The following RALGAPA2 variants were observed in gnomAD, a reference collection of about 807,000 sequenced individuals.
The protein encoded by RALGAPA2 is ral GTPase-activating protein subunit alpha-2.
RALGAPA2 carries 139 observed loss-of-function variants against 230.4 expected under a neutral mutation model. The observed-to-expected ratio is 0.60, with a 90% CI of 0.53 to 0.69. RALGAPA2 has a LOEUF of 0.69. RALGAPA2 is among the 30% of genes least tolerant of loss of function. RALGAPA2 has a pLI of 0.00. For missense variants in RALGAPA2, 2,163 were observed against 2,276.0 expected (o/e 0.95, Z 1.01); for synonymous variants, 847 against 837.8 (o/e 1.01, Z -0.19).
At chr20:20,533,106 A>C (rs2063409051) in intron 26 of RALGAPA2, among the ~76,000 whole-genome samples, 1 of 152,026 alleles carries the variant, frequency 6.6e-6, no homozygotes, top group Non-Finnish European at 1.5e-5. Flanking sequence ...GAGAAATAAA[A>C]GAAATATTAT....
Position 20,618,930 on chromosome 20 carries a change from T to C in RALGAPA2, c.1539+347A>G, listed in dbSNP as rs571143606. 1.1e-4 allele frequency among the ~76,000 whole-genome samples: 16 copies of C among 152,360 alleles called. No individual in the cohort carries two copies. In the South Asian group the frequency reaches 3.3e-3, roughly 32 times the overall value. On this transcript the variant is annotated intron_variant, in intron 12 of 39. Coordinates refer to ENST00000202677, the MANE Select transcript of RALGAPA2 (RefSeq NM_020343.4). Reference sequence around the variant, plus strand: ...GATTTTATAATTGCCAAGCTTGTCTTGCAAATTAGAGCCCAGATAACTTAC... The same window carrying C: ...GATTTTATAATTGCCAAGCTTGTCTCGCAAATTAGAGCCCAGATAACTTAC...
intron 37 of RALGAPA2, among the ~76,000 whole-genome samples, chr20:20,423,528 G>A (rs1201344163): frequency 6.6e-6 from 1 of 152,152 alleles, no homozygotes; most frequent in African/African-American, 2.4e-5. Context: ...GCACTTCCCT[G>A]GTACCTGCCT....
intron 13 of RALGAPA2, among the ~76,000 whole-genome samples, chr20:20,614,423 A>C (rs1244352579): frequency 6.6e-6 from 1 of 152,246 alleles, no homozygotes; most frequent in Non-Finnish European, 1.5e-5. Flanking sequence ...ATTAAAAATG[A>C]TGTTGATAAA....
chr20:20,620,524 C>T lies in RALGAPA2; in HGVS notation c.1340G>A (p.Arg447Lys). 6.2e-7 allele frequency: 1 copy of T among 1,613,980 alleles called. No individual in the cohort carries two copies. The highest frequency in any genetic ancestry group is 8.5e-7 in the Non-Finnish European group (1 of 1,179,836). ...DKPVFMEEPD[R>K]KDVAQEDAEK... is the part of the protein sequence containing the mutation. ...AGCATCTTCTTGGGCAACATCTTTT[C>T]TATCTGGCTCCTCCATGAACACAGG... Residue 447 changes from arginine to lysine, a missense_variant, in exon 11 of 40, where the codon AGA becomes AAA. Arg to Lys is a conservative substitution (Grantham distance 26). Transcript: ENST00000202677.
intron 36 of RALGAPA2, among the ~76,000 whole-genome samples, chr20:20,482,535 TTTCTAGCGCAGGGTTCCCC>T (rs1358856831): frequency 1.3e-5 from 2 of 152,144 alleles, no homozygotes; most frequent in Non-Finnish European, 2.9e-5. Context: ...CTGGCTCTCT[TTTCTAGCGCAGGGTTCCCC>T]AAAGTGCACT....
chr20:20,522,996 A>G (rs917902856), intron 30 of RALGAPA2, among the ~76,000 whole-genome samples: 3 of 152,220 alleles, frequency 2.0e-5, no homozygotes, highest in African/African-American at 7.2e-5. Context: ...ATTTAAGAAT[A>G]CACAAATACT....
intron 16 of RALGAPA2, among the ~76,000 whole-genome samples, chr20:20,594,707 C>A (rs1314531619): frequency 6.6e-6 from 1 of 151,760 alleles, no homozygotes; most frequent in Non-Finnish European, 1.5e-5. Context: ...TTACACAATA[C>A]CATTACTAAA....
At chr20:20,557,135 C>A (rs926752500) in intron 23 of RALGAPA2, among the ~76,000 whole-genome samples, 9 of 152,058 alleles carry the variant, frequency 5.9e-5, no homozygotes, top group Non-Finnish European at 1.0e-4. Flanking sequence ...GATGGTGAAA[C>A]CCCATCTCTA....
intron 38 of RALGAPA2, among the ~76,000 whole-genome samples, chr20:20,397,891 G>A (rs1002635409): frequency 6.6e-6 from 1 of 152,172 alleles, no homozygotes; most frequent in African/African-American, 2.4e-5. Context: ...CGTGGGTCGT[G>A]TATGATCCTT....
At chr20:20,626,126 T>C (rs573687416) in intron 10 of RALGAPA2, among the ~76,000 whole-genome samples, 1 of 152,322 alleles carries the variant, frequency 6.6e-6, no homozygotes, top group South Asian at 2.1e-4. Flanking sequence ...TTCTTGAACA[T>C]CCATTTTAAA....
intron 10 of RALGAPA2, among the ~76,000 whole-genome samples, chr20:20,623,946 T>A (rs2066404032): frequency 6.6e-6 from 1 of 152,196 alleles, no homozygotes; most frequent in Admixed American, 6.5e-5. Flanking sequence ...CTGATTTTTA[T>A]GTCTAGAAAA....
At chr20:20,413,965 A>G (rs2060115272) in intron 37 of RALGAPA2, among the ~76,000 whole-genome samples, 1 of 152,182 alleles carries the variant, frequency 6.6e-6, no homozygotes, top group Admixed American at 6.5e-5. Flanking sequence ...CATTATGAAC[A>G]CACTTATTCT....
At chr20:20,535,608 C>T (rs1188100623) in intron 26 of RALGAPA2, 137 bp downstream of exon 26, 4 of 1,268,636 alleles carry the variant, frequency 3.2e-6, no homozygotes, top group Non-Finnish European at 4.1e-6. Context: ...ATCTTCCTGG[C>T]ATCATTCTTC....
At chr20:20,528,086 G>A (rs2063267550) in intron 27 of RALGAPA2, among the ~76,000 whole-genome samples, 1 of 152,104 alleles carries the variant, frequency 6.6e-6, no homozygotes. Flanking sequence ...GGGGATGTGG[G>A]GTCTCCTTCC....
chr20:20,634,662 T>C (rs1250678656), intron 9 of RALGAPA2, among the ~76,000 whole-genome samples: 1 of 152,196 alleles, frequency 6.6e-6, no homozygotes, highest in Admixed American at 6.5e-5. Context: ...TCGGCAAATC[T>C]GCAGTCAGTG....
chr20:20,483,562 T>A (rs189321954), intron 36 of RALGAPA2, among the ~76,000 whole-genome samples: 3 of 152,262 alleles, frequency 2.0e-5, no homozygotes, highest in Admixed American at 2.0e-4. Flanking sequence ...AGGCTCAATC[T>A]GTACGACACC....
chr20:20,419,217 G>T (rs991548105), intron 37 of RALGAPA2, among the ~76,000 whole-genome samples: 3 of 152,124 alleles, frequency 2.0e-5, no homozygotes, highest in African/African-American at 7.2e-5. Context: ...GTACCGGGAC[G>T]TGTTTTAGTG....
intron 1 of RALGAPA2, among the ~76,000 whole-genome samples, chr20:20,682,353 G>A (rs929760151): frequency 9.2e-5 from 14 of 152,182 alleles, no homozygotes; most frequent in Non-Finnish European, 1.9e-4. Flanking sequence ...AGGAATCCTT[G>A]AGTGCCTTGT....
chr20:20,507,856 A>G (rs924975570), intron 33 of RALGAPA2, among the ~76,000 whole-genome samples: 11 of 152,200 alleles, frequency 7.2e-5, no homozygotes, highest in African/African-American at 2.4e-4. Flanking sequence ...ATGACCTAAA[A>G]GACTGTCTCT....
Sources: allele counts gnomAD v4.1 joint callset (sites outside exome capture counted in the v4.1 genomes callset), GRCh38; gene constraint gnomAD v4.1.1; transcripts MANE v1.5; gene names NCBI Gene and HGNC (gene_info 2026-07-23, HGNC 2026-07-21).